Variants in DPP6 observed in about 807,000 individuals in gnomAD.
DPP6 encodes the protein dipeptidyl peptidase like 6.
DPP6 carries 69 observed loss-of-function variants against 122.6 expected under a neutral mutation model. The observed-to-expected ratio is 0.56, with a 90% CI of 0.46 to 0.69. The LOEUF is 0.69. Among genes scored for constraint, DPP6 ranks in the 30% least tolerant of loss-of-function variants. The pLI, the probability that DPP6 is intolerant of heterozygous loss-of-function variation, is 0.00. For missense variants in DPP6, 928 were observed against 1,116.9 expected (o/e 0.83, Z 2.41); for synonymous variants, 418 against 433.1 (o/e 0.97, Z 0.43).
At chr7:154,050,124 G>C (rs1800225864), upstream of DPP6, among the ~76,000 whole-genome samples, 1 of 152,078 alleles carries the variant, frequency 6.6e-6, no homozygotes, top group African/African-American at 2.4e-5. Context: ...TGTGAGATTT[G>C]CTTCCCAGCA....
At chr7:154,655,257 A>G (rs1837163403) in intron 6 of DPP6, among the ~76,000 whole-genome samples, 1 of 152,158 alleles carries the variant, frequency 6.6e-6, no homozygotes, top group South Asian at 2.1e-4. Context: ...CAGTCCCTCA[A>G]AATCACTTAG....
intron 1 of DPP6, among the ~76,000 whole-genome samples, chr7:154,253,289 C>T (rs1301047295): frequency 6.6e-6 from 1 of 152,156 alleles, no homozygotes; most frequent in Non-Finnish European, 1.5e-5. Context: ...CACTTCACAC[C>T]TTCCCTGGTA....
chr7:153,983,810 A>T (rs913348613), intron 1 of DPP6, among the ~76,000 whole-genome samples: 3 of 151,490 alleles, frequency 2.0e-5, no homozygotes, highest in African/African-American at 7.3e-5. Flanking sequence ...GAGTTCCGTG[A>T]CCCCTTGTGC....
At chr7:153,847,385 T>C in the DPP6 span, among the ~76,000 whole-genome samples, 1 of 152,212 alleles carries the variant, frequency 6.6e-6, no homozygotes, top group Admixed American at 6.5e-5. Context: ...TTCCAACATG[T>C]TGATGATCTC....
In DPP6 at chr7:154,063,210, C is replaced by T. The variant is rs557151171; in HGVS notation, c.243+10147C>T. Among the ~76,000 whole-genome samples, 23 of 109,250 alleles carry T rather than the reference C, an allele frequency of 2.1e-4. 3 individuals are homozygous for T. In the East Asian group the frequency reaches 4.5e-3, roughly 22 times the overall value. The allele number at this position is 109,250 out of a possible 152,430, so 71.7% of individuals were successfully genotyped here. ...CCCCCATCGCAGGGTTGGGGAGGCACCCCCCCGCGAGGCAGGGACTGAGAG... is the reference window on the plus strand; with the variant it reads ...CCCCCATCGCAGGGTTGGGGAGGCATCCCCCCGCGAGGCAGGGACTGAGAG... On this transcript the variant is annotated intron_variant, in intron 1 of 25. Coordinates refer to ENST00000377770, the MANE Select transcript of DPP6 (RefSeq NM_130797.4).
intron 16 of DPP6, among the ~76,000 whole-genome samples, chr7:154,847,709 A>G (rs780979573): frequency 6.6e-6 from 1 of 152,194 alleles, no homozygotes; most frequent in Non-Finnish European, 1.5e-5. Flanking sequence ...TTTGAAATAT[A>G]CAATGCATTA....
At chr7:154,261,300 G>A (rs531892406) in intron 1 of DPP6, among the ~76,000 whole-genome samples, 34 of 152,260 alleles carry the variant, frequency 2.2e-4, no homozygotes, top group Middle Eastern at 3.4e-3. Flanking sequence ...CTGCATGCAC[G>A]CCAACATTTA....
At chr7:154,592,842 CT>C (rs1298003634) in intron 5 of DPP6, among the ~76,000 whole-genome samples, 2 of 152,190 alleles carry the variant, frequency 1.3e-5, no homozygotes, top group African/African-American at 4.8e-5. Flanking sequence ...CCCAGCTGAT[CT>C]TGCTTCCTCT....
chr7:154,695,594 G>A (rs1044466278), intron 7 of DPP6, among the ~76,000 whole-genome samples: 6 of 152,128 alleles, frequency 3.9e-5, no homozygotes, highest in African/African-American at 1.4e-4. Context: ...TTTGGAGAAG[G>A]AGAGGTGAAG....
chr7:154,547,010 C>A (rs1363986767), intron 4 of DPP6, among the ~76,000 whole-genome samples: 1 of 152,238 alleles, frequency 6.6e-6, no homozygotes, highest in African/African-American at 2.4e-5. Flanking sequence ...CACTTTCTTA[C>A]CTCTTTCTCT....
At chr7:154,565,555 C>T (rs942787773) in intron 4 of DPP6, among the ~76,000 whole-genome samples, 14 of 151,896 alleles carry the variant, frequency 9.2e-5, no homozygotes, top group Non-Finnish European at 1.5e-4. Context: ...GATGGAGTGT[C>T]GCTCTTGTCG....
At chr7:154,753,626 A>G (rs1268301) in intron 8 of DPP6, among the ~76,000 whole-genome samples, 1 of 152,148 alleles carries the variant, frequency 6.6e-6, no homozygotes, top group Non-Finnish European at 1.5e-5. Flanking sequence ...CGACACCCTC[A>G]TTCTCTTTAG....
At chr7:154,048,799 T>C (rs1177448427), upstream of DPP6, among the ~76,000 whole-genome samples, 3 of 119,694 alleles carry the variant, frequency 2.5e-5, 1 homozygote, top group Admixed American at 1.6e-4. Context: ...ATAAAAATCA[T>C]GCTTAGGCTG....
intron 6 of DPP6, among the ~76,000 whole-genome samples, chr7:154,662,293 C>T (rs540745256): frequency 0.013 from 2,018 of 151,474 alleles, 37 homozygotes; most frequent in African/African-American, 0.046. Context: ...GGCATATTGG[C>T]GCTAGTGTTC....
At chr7:153,813,672 T>A in the DPP6 span, among the ~76,000 whole-genome samples, 1 of 152,034 alleles carries the variant, frequency 6.6e-6, no homozygotes, top group Non-Finnish European at 1.5e-5. Flanking sequence ...TTTCTTCACA[T>A]CCTCTCCAGC....
At position 154,230,896 on chromosome 7, in the gene DPP6, A is replaced by G. The variant is rs114576341; in HGVS notation, c.243+177833A>G. The stretch of plus-strand genomic sequence containing the variant: ...TTATAACATAAAATCAGTCCAAACT[A>G]TTCTACCTGTAAGTGCATAAAATGA... On this transcript the variant is annotated intron_variant, in intron 1 of 25. Coordinates refer to ENST00000377770, the MANE Select transcript of DPP6 (RefSeq NM_130797.4). Among the ~76,000 whole-genome samples the G allele has an allele frequency of 6.5e-3, 994 of 152,362 alleles. 13 individuals carry two copies. Among genetic ancestry groups the G allele is most frequent in the African/African-American group, 0.023 (962 of 41,568 alleles).
At chr7:154,300,021 TC>T (rs1805799690) in intron 1 of DPP6, among the ~76,000 whole-genome samples, 1 of 152,232 alleles carries the variant, frequency 6.6e-6, no homozygotes, top group African/African-American at 2.4e-5. Context: ...AAAACGCCTC[TC>T]TTCAGTTGCA....
At chr7:153,983,361 G>A (rs1053154882) in intron 1 of DPP6, among the ~76,000 whole-genome samples, 2 of 152,236 alleles carry the variant, frequency 1.3e-5, no homozygotes, top group Admixed American at 6.5e-5. Flanking sequence ...GGAAAACCAC[G>A]TACTCAAGCC....
the DPP6 span, among the ~76,000 whole-genome samples, chr7:153,872,549 G>A: frequency 6.6e-6 from 1 of 152,142 alleles, no homozygotes; most frequent in Non-Finnish European, 1.5e-5. Flanking sequence ...ATTTTAAAAT[G>A]ATAGATAACA....
Sources: gnomAD v4.1 joint callset for allele counts (sites outside exome capture counted in the v4.1 genomes callset) on GRCh38, gnomAD v4.1.1 for gene constraint, MANE v1.5 for transcripts, NCBI Gene and HGNC (gene_info 2026-07-23, HGNC 2026-07-21) for gene names.